Variants in ZNF385D observed in about 807,000 individuals in gnomAD.
ZNF385D encodes zinc finger protein 659.
Under a neutral mutation model 35.8 loss-of-function variants are expected in ZNF385D, and 15 were observed. The ratio of observed to expected loss-of-function variants is 0.42; its 90% CI spans 0.28 to 0.64. The LOEUF is 0.64. ZNF385D is among the 30% of genes least tolerant of loss of function. The pLI, the probability that ZNF385D is intolerant of heterozygous loss-of-function variation, is 0.23. For missense variants in ZNF385D, 474 were observed against 494.6 expected (o/e 0.96, Z 0.39); for synonymous variants, 212 against 186.8 (o/e 1.13, Z -1.10).
At chr3:22,148,198 T>C (rs1704985378) in intron 3 of ZNF385D, among the ~76,000 whole-genome samples, 1 of 152,162 alleles carries the variant, frequency 6.6e-6, no homozygotes, top group Non-Finnish European at 1.5e-5. Flanking sequence ...AATTTGTCTT[T>C]AGCCATGCAT....
chr3:22,149,613 G>A (rs1705093757), intron 3 of ZNF385D, among the ~76,000 whole-genome samples: 1 of 152,180 alleles, frequency 6.6e-6, no homozygotes. Context: ...TGAAACACAA[G>A]TGTCTGTGAA....
intron 3 of ZNF385D, among the ~76,000 whole-genome samples, chr3:21,820,995 C>A (rs1258323399): frequency 6.6e-6 from 1 of 151,190 alleles, no homozygotes; most frequent in East Asian, 1.9e-4. Flanking sequence ...AAATTAAAAC[C>A]CTCAATAATC....
At chr3:22,363,631 T>C (rs1278965753) in intron 2 of ZNF385D, among the ~76,000 whole-genome samples, 2 of 152,128 alleles carry the variant, frequency 1.3e-5, no homozygotes, top group Non-Finnish European at 2.9e-5. Context: ...TCTGATTATA[T>C]CTGCTTCTTT....
chr3:22,355,952 CTG>C (rs1696129389), intron 2 of ZNF385D, among the ~76,000 whole-genome samples: 1 of 151,944 alleles, frequency 6.6e-6, no homozygotes, highest in South Asian at 2.1e-4. Context: ...TCAGTAAATT[CTG>C]TGTGTTATCT....
At chr3:21,702,553 T>A (rs181269368) in intron 1 of ZNF385D, among the ~76,000 whole-genome samples, 1 of 152,374 alleles carries the variant, frequency 6.6e-6, no homozygotes, top group Non-Finnish European at 1.5e-5. Flanking sequence ...CTTATGCAAA[T>A]TTCTGCAGCC....
intron 3 of ZNF385D, among the ~76,000 whole-genome samples, chr3:21,804,656 A>G (rs373547564): frequency 6.6e-6 from 1 of 152,148 alleles, no homozygotes; most frequent in Non-Finnish European, 1.5e-5. Flanking sequence ...TGGGCAATTC[A>G]TTTTAGTCTC....
intron 1 of ZNF385D, among the ~76,000 whole-genome samples, chr3:21,731,877 T>C (rs951188857): frequency 2.6e-5 from 4 of 152,124 alleles, no homozygotes; most frequent in Admixed American, 1.3e-4. Flanking sequence ...TTTTCATCAC[T>C]TGGTAGTTCA....
At chr3:21,518,958 A>G (rs766637875) in intron 3 of ZNF385D, among the ~76,000 whole-genome samples, 12 of 152,338 alleles carry the variant, frequency 7.9e-5, no homozygotes, top group Admixed American at 2.0e-4. Context: ...AGATTACATT[A>G]TGAATAAAAA....
At chr3:21,460,365 T>C (rs964356934) in intron 4 of ZNF385D, among the ~76,000 whole-genome samples, 6 of 152,190 alleles carry the variant, frequency 3.9e-5, no homozygotes, top group African/African-American at 1.4e-4. Flanking sequence ...CCAGATCGTG[T>C]CAAAAATAAT....
At chr3:22,087,460 G>A (rs1408258590) in intron 3 of ZNF385D, among the ~76,000 whole-genome samples, 1 of 152,114 alleles carries the variant, frequency 6.6e-6, no homozygotes, top group Non-Finnish European at 1.5e-5. Context: ...TCTAAGAAGT[G>A]TCACTTAATG....
chr3:21,610,721 G>A (rs1559457675), intron 2 of ZNF385D, among the ~76,000 whole-genome samples: 1 of 151,600 alleles, frequency 6.6e-6, no homozygotes, highest in African/African-American at 2.4e-5. Context: ...CTTGCAGTGA[G>A]CCGAGATCGC....
At chr3:21,826,312 G>T (rs1008606549) in intron 3 of ZNF385D, among the ~76,000 whole-genome samples, 1 of 152,162 alleles carries the variant, frequency 6.6e-6, no homozygotes, top group Non-Finnish European at 1.5e-5. Flanking sequence ...ACCTGATTGT[G>T]AATTATCCGA....
At position 21,685,156 on chromosome 3, in the gene ZNF385D, A is replaced by ATT. The variant is rs1235524784; in HGVS notation, c.23-20130_23-20129dup. On this transcript the variant is annotated intron_variant, in intron 1 of 7. Coordinates refer to ENST00000281523, the MANE Select transcript of ZNF385D (RefSeq NM_024697.3). ...GTGTTATGGCTTATTATTTCAAACA[A>ATT]TTTCCTTTCTATTTTGTCTCAGCAA... Among the ~76,000 whole-genome samples, 8 of 152,294 alleles carry ATT rather than the reference A, an allele frequency of 5.3e-5. No homozygotes were observed. The East Asian group carries it at 1.5e-3, about 29-fold the overall frequency.
intron 3 of ZNF385D, among the ~76,000 whole-genome samples, chr3:22,162,105 A>G (rs1705995889): frequency 6.6e-6 from 1 of 152,166 alleles, no homozygotes; most frequent in Non-Finnish European, 1.5e-5. Context: ...TGCATTTTTG[A>G]TGGCAAATCT....
intron 3 of ZNF385D, among the ~76,000 whole-genome samples, chr3:22,082,417 T>G (rs550825410): frequency 6.6e-6 from 1 of 152,270 alleles, no homozygotes; most frequent in East Asian, 1.9e-4. Context: ...CCTGGCTCTG[T>G]GGGTCCCATG....
At chr3:21,811,024 T>C (rs2072899616) in intron 3 of ZNF385D, among the ~76,000 whole-genome samples, 1 of 150,236 alleles carries the variant, frequency 6.7e-6, no homozygotes, top group Non-Finnish European at 1.5e-5. Context: ...TTTAAGTAAG[T>C]AATTAATGTA....
chr3:21,688,798 A>G (rs773212121), intron 1 of ZNF385D, among the ~76,000 whole-genome samples: 55 of 152,222 alleles, frequency 3.6e-4, no homozygotes, highest in Non-Finnish European at 5.1e-4. Context: ...TTCCCACTCA[A>G]CAGCTTTGTA....
chr3:21,979,512 T>C (rs188199328), intron 3 of ZNF385D: 5 of 152,214 alleles, frequency 3.3e-5, no homozygotes, highest in African/African-American at 1.2e-4. Context: ...ATTGTGGGGC[T>C]AGTTTTTTAC....
chr3:21,764,624 G>A (rs2070751392), intron 3 of ZNF385D, among the ~76,000 whole-genome samples: 2 of 152,090 alleles, frequency 1.3e-5, no homozygotes, highest in Non-Finnish European at 2.9e-5. Context: ...CACTTTTAGA[G>A]TAAATTAATG....
Sources: gnomAD v4.1 joint callset for allele counts (sites outside exome capture counted in the v4.1 genomes callset) on GRCh38, gnomAD v4.1.1 for gene constraint, MANE v1.5 for transcripts, NCBI Gene and HGNC (gene_info 2026-07-23, HGNC 2026-07-21) for gene names.